Variants in OLFM3 observed in about 807,000 individuals in gnomAD.
OLFM3 encodes the protein noelin-3.
Under a neutral mutation model 48.6 loss-of-function variants are expected in OLFM3, and 20 were observed. That is an observed-to-expected ratio of 0.41 (90% CI 0.29 to 0.60). The LOEUF is 0.60. OLFM3 is among the 20% of genes least tolerant of loss of function. The pLI is 0.28. For synonymous variants in OLFM3, 222 were observed against 198.1 expected (o/e 1.12, Z -1.01); for missense variants, 437 against 544.3 (o/e 0.80, Z 1.96).
chr1:101,811,688 C>G (rs1654059448), intron 4 of OLFM3, among the ~76,000 whole-genome samples: 1 of 152,122 alleles, frequency 6.6e-6, no homozygotes. Context: ...CAGGAAACAA[C>G]AGCTGCTGGA....
intron 1 of OLFM3, chr1:101,893,997 G>T (rs1658101639): frequency 6.5e-6 from 1 of 153,594 alleles, no homozygotes; most frequent in Middle Eastern, 7.5e-4. Context: ...CAATGGAAAA[G>T]CATGAGGATG....
chr1:101,816,013 A>G (rs1654319590), intron 4 of OLFM3, among the ~76,000 whole-genome samples: 1 of 152,234 alleles, frequency 6.6e-6, no homozygotes, highest in African/African-American at 2.4e-5. Context: ...AGAAAAAATA[A>G]CGTGGTATTA....
rs1382365713 is a variant in OLFM3 at position 101,996,827 on chromosome 1, G to A, written c.-11C>T. On this transcript the variant is annotated 5_prime_UTR_variant, in exon 1 of 6. Transcript: ENST00000370103. ...GGACGTCGCCTGCATTCTGATCTGG[G>A]TTTTTGCCCCTCTTTACTCTCTTTT... 1.2e-6 allele frequency: 2 copies of A among 1,614,156 alleles called. No homozygotes were observed. Among genetic ancestry groups the A allele is most frequent in the Admixed American group, 1.7e-5 (1 of 60,028 alleles).
At chr1:101,862,462 G>T (rs1427245189) in intron 1 of OLFM3, among the ~76,000 whole-genome samples, 1 of 152,188 alleles carries the variant, frequency 6.6e-6, no homozygotes, top group Non-Finnish European at 1.5e-5. Flanking sequence ...TACTATTATT[G>T]TTTAGCTGTA....
intron 4 of OLFM3, among the ~76,000 whole-genome samples, chr1:101,820,700 C>T (rs759615215): frequency 3.9e-5 from 6 of 151,958 alleles, no homozygotes; most frequent in Non-Finnish European, 5.9e-5. Context: ...ATCTTATTTA[C>T]TATTTGGGGG....
intron 4 of OLFM3, chr1:101,812,922 G>C (rs1462915162): frequency 9.9e-7 from 1 of 1,013,012 alleles, no homozygotes; most frequent in Non-Finnish European, 1.2e-6. Context: ...TCTGAAATAT[G>C]TTAGAGGGTA....
At chr1:101,921,349 A>G (rs564946568) in intron 1 of OLFM3, among the ~76,000 whole-genome samples, 1 of 152,176 alleles carries the variant, frequency 6.6e-6, no homozygotes, top group Non-Finnish European at 1.5e-5. Context: ...TCTCTGAGAT[A>G]TAAAATCTAA....
chr1:101,935,981 TAAG>T (rs759609368), intron 1 of OLFM3, among the ~76,000 whole-genome samples: 2 of 151,954 alleles, frequency 1.3e-5, no homozygotes, highest in Admixed American at 6.6e-5. Flanking sequence ...CTCAAAATAA[TAAG>T]AACCATCTAT....
At chr1:101,903,749 G>T (rs905085730) in intron 1 of OLFM3, among the ~76,000 whole-genome samples, 1 of 151,964 alleles carries the variant, frequency 6.6e-6, no homozygotes, top group Non-Finnish European at 1.5e-5. Context: ...ATATTTCAAT[G>T]CACGTCCTTC....
At chr1:101,822,916 A>G (rs1419201941) in intron 4 of OLFM3, among the ~76,000 whole-genome samples, 1 of 151,022 alleles carries the variant, frequency 6.6e-6, no homozygotes, top group African/African-American at 2.4e-5. Context: ...TAAATAAATA[A>G]CTTTTCCCTT....
intron 1 of OLFM3, among the ~76,000 whole-genome samples, chr1:101,869,660 C>A (rs1437296856): frequency 6.6e-6 from 1 of 152,072 alleles, no homozygotes; most frequent in Admixed American, 6.6e-5. Context: ...GTGTCGTCAC[C>A]CAAATCTCAC....
rs371512942 is a variant in OLFM3, at chr1:101,966,317, T to TTTTGTGTGTGTGTGTGTG, written c.69+30430_69+30431insCACACACACACACACAAA. ...GTAGCTGGCACCACACCTGGCTAATTTGTGTGTGTGTGTGTGTGTGTGTGT... is the reference window on the plus strand; with the variant it reads ...GTAGCTGGCACCACACCTGGCTAATTTTTGTGTGTGTGTGTGTGTGTGTGTGTGTGTGTGTGTGTGTGT... On this transcript the variant is annotated intron_variant, in intron 1 of 5. Coordinates refer to ENST00000370103, the MANE Select transcript of OLFM3 (RefSeq NM_058170.4). 9.2e-3 allele frequency among the ~76,000 whole-genome samples: 1,177 copies of TTTTGTGTGTGTGTGTGTG among 127,966 alleles called. 3 individuals are homozygous for TTTTGTGTGTGTGTGTGTG. Among genetic ancestry groups the TTTTGTGTGTGTGTGTGTG allele is most frequent in the Admixed American group, 0.013 (169 of 12,720 alleles). The allele number at this position is 127,966 out of a possible 152,430, so 84.0% of individuals were successfully genotyped here.
At chr1:101,963,219 G>A (rs1042223037) in intron 1 of OLFM3, among the ~76,000 whole-genome samples, 1 of 152,116 alleles carries the variant, frequency 6.6e-6, no homozygotes, top group Non-Finnish European at 1.5e-5. Context: ...ATGGTGTGTG[G>A]GAAATTCTTA....
chr1:101,904,455 G>T (rs999960184), intron 1 of OLFM3, among the ~76,000 whole-genome samples: 1 of 152,016 alleles, frequency 6.6e-6, no homozygotes, highest in Admixed American at 6.6e-5. Flanking sequence ...CTGACGCATG[G>T]TCCATAATTC....
intron 1 of OLFM3, among the ~76,000 whole-genome samples, chr1:101,984,075 C>T (rs1271392113): frequency 1.3e-5 from 2 of 151,994 alleles, no homozygotes; most frequent in East Asian, 1.9e-4. Context: ...ATGGCAAAAC[C>T]GCAGCTCTAC....
At chr1:101,884,198 T>C (rs564382214) in intron 1 of OLFM3, among the ~76,000 whole-genome samples, 2 of 152,080 alleles carry the variant, frequency 1.3e-5, no homozygotes, top group Non-Finnish European at 2.9e-5. Context: ...CTTTACTTTT[T>C]TCATGTTTAA....
At chr1:101,880,918 C>T (rs1219088548) in intron 1 of OLFM3, among the ~76,000 whole-genome samples, 6 of 151,696 alleles carry the variant, frequency 4.0e-5, no homozygotes, top group South Asian at 2.1e-4. Context: ...TTAGGACAGG[C>T]GAGACCCTGT....
chr1:101,953,888 G>A (rs1381753259), intron 1 of OLFM3, among the ~76,000 whole-genome samples: 2 of 152,096 alleles, frequency 1.3e-5, no homozygotes, highest in Non-Finnish European at 2.9e-5. Flanking sequence ...ATGTTAACAA[G>A]AGACAACTAG....
chr1:101,864,267 A>C (rs1229045233), intron 1 of OLFM3, among the ~76,000 whole-genome samples: 1 of 152,204 alleles, frequency 6.6e-6, no homozygotes, highest in Non-Finnish European at 1.5e-5. Flanking sequence ...CATAGCTGAA[A>C]GCAGCAAGCT....
Sources: gnomAD v4.1 joint callset for allele counts (sites outside exome capture counted in the v4.1 genomes callset) on GRCh38, gnomAD v4.1.1 for gene constraint, MANE v1.5 for transcripts, NCBI Gene and HGNC (gene_info 2026-07-23, HGNC 2026-07-21) for gene names.